Variants in DLG2 observed in about 807,000 individuals in gnomAD.
The protein encoded by DLG2 is discs large MAGUK scaffold protein 2, also known as disks large homolog 2.
DLG2 carries 45 observed loss-of-function variants against 132.5 expected under a neutral mutation model. That is an observed-to-expected ratio of 0.34 (90% CI 0.27 to 0.44). The LOEUF (loss-of-function observed/expected upper bound fraction) is 0.44. DLG2 is among the 20% of genes least tolerant of loss of function. The probability of loss-of-function intolerance (pLI) is 1.00; values close to 1 mark genes in which losing one functional copy is unlikely to be tolerated. For missense variants in DLG2, 1,045 were observed against 1,196.9 expected (o/e 0.87, Z 1.87); for synonymous variants, 424 against 419.6 (o/e 1.01, Z -0.13).
intron 6 of DLG2, among the ~76,000 whole-genome samples, chr11:84,723,744 C>A (rs117757231): frequency 2.0e-5 from 3 of 152,050 alleles, no homozygotes; most frequent in Non-Finnish European, 4.4e-5. Flanking sequence ...AAGGAGATGA[C>A]GCATTCATTT....
chr11:85,180,846 G>C (rs186919244), intron 4 of DLG2, among the ~76,000 whole-genome samples: 1 of 151,844 alleles, frequency 6.6e-6, no homozygotes, highest in Admixed American at 6.6e-5. Context: ...CAGTTTTTCT[G>C]TCTTGGATAA....
intron 6 of DLG2, among the ~76,000 whole-genome samples, chr11:84,669,182 G>C (rs1020867718): frequency 6.6e-6 from 1 of 152,046 alleles, no homozygotes; most frequent in Non-Finnish European, 1.5e-5. Flanking sequence ...TAAAAGGGGA[G>C]TTGGGGTCTG....
chr11:83,879,836 T>G (rs922110387), intron 15 of DLG2, among the ~76,000 whole-genome samples: 8 of 152,184 alleles, frequency 5.3e-5, no homozygotes, highest in African/African-American at 1.9e-4. Context: ...ATAAAGAGAA[T>G]GATGAAAGCA....
At chr11:85,084,616 T>G (rs1224935271) in intron 6 of DLG2, among the ~76,000 whole-genome samples, 1 of 152,168 alleles carries the variant, frequency 6.6e-6, no homozygotes, top group Non-Finnish European at 1.5e-5. Context: ...GACAAAGATG[T>G]TACTGGCTAA....
intron 3 of DLG2, among the ~76,000 whole-genome samples, chr11:85,289,968 G>A (rs576876768): frequency 5.3e-5 from 8 of 152,190 alleles, no homozygotes; most frequent in Non-Finnish European, 1.0e-4. Flanking sequence ...TCACTAAGTA[G>A]TTTTTAAGCG....
At chr11:83,469,796 CA>C (rs1450586113) in intron 24 of DLG2, among the ~76,000 whole-genome samples, 1 of 152,150 alleles carries the variant, frequency 6.6e-6, no homozygotes, top group Non-Finnish European at 1.5e-5. Flanking sequence ...CCCATCTTCA[CA>C]AAGTCTAAAA....
At chr11:85,225,839 A>G (rs911509845) in intron 4 of DLG2, among the ~76,000 whole-genome samples, 1 of 152,046 alleles carries the variant, frequency 6.6e-6, no homozygotes. Flanking sequence ...CACTCTTCTT[A>G]GCTCCCAAAC....
chr11:84,715,655 T>C (rs1325571013), intron 6 of DLG2, among the ~76,000 whole-genome samples: 1 of 152,156 alleles, frequency 6.6e-6, no homozygotes, highest in African/African-American at 2.4e-5. Flanking sequence ...TTCATTTAGT[T>C]TAATGTCCTC....
At chr11:84,276,254 G>A (rs751641731) in intron 7 of DLG2, among the ~76,000 whole-genome samples, 30 of 152,092 alleles carry the variant, frequency 2.0e-4, no homozygotes, top group Non-Finnish European at 1.2e-4. Context: ...ATTGATATAC[G>A]TTTGGAGGCC....
At chr11:85,157,187 G>A (rs549216626) in intron 4 of DLG2, among the ~76,000 whole-genome samples, 1 of 152,244 alleles carries the variant, frequency 6.6e-6, no homozygotes, top group South Asian at 2.1e-4. Context: ...TCAGTTTTGG[G>A]ACTCAGACTG....
At chr11:84,498,297 A>G (rs2099191231) in intron 7 of DLG2, among the ~76,000 whole-genome samples, 1 of 152,174 alleles carries the variant, frequency 6.6e-6, no homozygotes, top group Non-Finnish European at 1.5e-5. Flanking sequence ...ACACTATGTA[A>G]TAAGTACTTA....
chr11:85,163,541 T>C lies in DLG2; in HGVS notation c.187-8890A>G, dbSNP rs147502033. 6.6e-5 allele frequency among the ~76,000 whole-genome samples: 10 copies of C among 152,292 alleles called. No homozygotes were observed. The East Asian group carries it at 1.2e-3, about 18-fold the overall frequency. ...AATACTGAAGACAAAGGAGGTTATC[T>C]AGGCAAGTAGGAGTATTCAATCTAA... On this transcript the variant is annotated intron_variant, in intron 4 of 27. Coordinates refer to ENST00000376104, the MANE Select transcript of DLG2 (RefSeq NM_001142699.3).
chr11:84,735,516 A>G (rs934989554), intron 6 of DLG2, among the ~76,000 whole-genome samples: 1 of 151,376 alleles, frequency 6.6e-6, no homozygotes, highest in Non-Finnish European at 1.5e-5. Context: ...CATCTATTTG[A>G]TTCTTCTCTG....
chr11:84,399,249 C>A (rs1198423641), intron 7 of DLG2, among the ~76,000 whole-genome samples: 1 of 152,032 alleles, frequency 6.6e-6, no homozygotes. Context: ...TCACCTTTAA[C>A]CCTCCTGAGA....
chr11:83,809,778 G>C (rs896991587), intron 17 of DLG2, among the ~76,000 whole-genome samples: 2 of 152,010 alleles, frequency 1.3e-5, no homozygotes, highest in African/African-American at 4.8e-5. Flanking sequence ...ATTTTTGTAT[G>C]GCCCTAAGAT....
intron 3 of DLG2, among the ~76,000 whole-genome samples, chr11:85,562,745 A>G (rs758349057): frequency 2.0e-5 from 3 of 151,720 alleles, no homozygotes; most frequent in Non-Finnish European, 2.9e-5. Flanking sequence ...TCATTCATTC[A>G]TTCATTCCCA....
At chr11:84,858,971 T>C (rs923843265) in intron 6 of DLG2, among the ~76,000 whole-genome samples, 5 of 152,056 alleles carry the variant, frequency 3.3e-5, no homozygotes, top group African/African-American at 1.2e-4. Flanking sequence ...ATTGTTTAGC[T>C]ATATAACTTT....
chr11:85,439,031 T>G (rs967989367), intron 3 of DLG2, among the ~76,000 whole-genome samples: 1 of 152,214 alleles, frequency 6.6e-6, no homozygotes, highest in African/African-American at 2.4e-5. Context: ...TTCTTCCTTT[T>G]TGTTGCTGAG....
chr11:84,674,662 A>G (rs966734509), intron 6 of DLG2, among the ~76,000 whole-genome samples: 1 of 152,176 alleles, frequency 6.6e-6, no homozygotes, highest in African/African-American at 2.4e-5. Context: ...ATTAGGAATA[A>G]TACAAATTTA....
Sources: gnomAD v4.1 joint callset for allele counts (sites outside exome capture counted in the v4.1 genomes callset) on GRCh38, gnomAD v4.1.1 for gene constraint, MANE v1.5 for transcripts, NCBI Gene and HGNC (gene_info 2026-07-23, HGNC 2026-07-21) for gene names.